Variants in PTPRD observed in about 807,000 individuals in gnomAD.
PTPRD encodes the protein protein tyrosine phosphatase receptor type D.
Under a neutral mutation model 214.5 loss-of-function variants are expected in PTPRD, and 34 were observed. That is an observed-to-expected ratio of 0.16 (90% CI 0.12 to 0.21). The LOEUF is 0.21. Ranked by LOEUF, PTPRD falls within the 10% of genes least tolerant of loss-of-function variation. PTPRD has a pLI of 1.00. For synonymous variants in PTPRD, 1,128 were observed against 845.7 expected (o/e 1.33, Z -5.79); for missense variants, 2,545 against 2,398.7 (o/e 1.06, Z -1.27).
At chr9:9,947,499 ATT>A (rs1463984383) in intron 4 of PTPRD, among the ~76,000 whole-genome samples, 93 of 29,808 alleles carry the variant, frequency 3.1e-3, no homozygotes, top group East Asian at 0.023. Context: ...TATTATATAT[ATT>A]TTATATATAT....
intron 9 of PTPRD, among the ~76,000 whole-genome samples, chr9:9,288,019 T>C (rs575259920): frequency 2.0e-5 from 3 of 151,794 alleles, no homozygotes; most frequent in African/African-American, 4.8e-5. Flanking sequence ...AGACTTATCA[T>C]GGTTAAATGC....
At chr9:8,726,587 AAATATATATATATATATATATAT>A (rs1565592879) in intron 12 of PTPRD, among the ~76,000 whole-genome samples, 6 of 13,214 alleles carry the variant, frequency 4.5e-4, no homozygotes, top group African/African-American at 2.0e-3. Flanking sequence ...AAAAAAAAAA[AAATATATATATATATATATATAT>A]ATATATATAT....
intron 11 of PTPRD, among the ~76,000 whole-genome samples, chr9:8,748,522 C>CACA (rs2093117506): frequency 2.6e-5 from 1 of 37,864 alleles, no homozygotes; most frequent in African/African-American, 7.2e-5. Flanking sequence ...CCTGCAACTG[C>CACA]AAAAAAAAAA....
At chr9:8,936,440 A>AAAAAAAAAAAAAAAAAAC (rs2098998174) in intron 11 of PTPRD, among the ~76,000 whole-genome samples, 1 of 149,960 alleles carries the variant, frequency 6.7e-6, no homozygotes, top group Non-Finnish European at 1.5e-5. Context: ...AAAAAAAAAA[A>AAAAAAAAAAAAAAAAAAC]AAAAAAAAAA....
intron 11 of PTPRD, among the ~76,000 whole-genome samples, chr9:8,999,981 C>T (rs948070258): frequency 6.6e-6 from 1 of 151,934 alleles, no homozygotes; most frequent in Non-Finnish European, 1.5e-5. Context: ...GTTTCATTTC[C>T]TGATCAGACA....
At chr9:8,846,712 C>G (rs1033181043) in intron 11 of PTPRD, among the ~76,000 whole-genome samples, 3 of 151,938 alleles carry the variant, frequency 2.0e-5, no homozygotes, top group African/African-American at 7.3e-5. Flanking sequence ...TAGTATGGCT[C>G]AAGTGTGTGT....
intron 7 of PTPRD, among the ~76,000 whole-genome samples, chr9:9,695,080 C>T (rs541244030): frequency 6.6e-6 from 1 of 152,282 alleles, no homozygotes; most frequent in South Asian, 2.1e-4. Flanking sequence ...GTCTCCTCCA[C>T]ATTCAACACA....
At chr9:9,626,935 A>G (rs2095441130) in intron 7 of PTPRD, among the ~76,000 whole-genome samples, 1 of 152,246 alleles carries the variant, frequency 6.6e-6, no homozygotes, top group Non-Finnish European at 1.5e-5. Context: ...GTCAACATGA[A>G]GTATTAATTT....
At chr9:8,345,150 G>C (rs765522304) in intron 39 of PTPRD, among the ~76,000 whole-genome samples, 2 of 151,826 alleles carry the variant, frequency 1.3e-5, no homozygotes, top group Non-Finnish European at 2.9e-5. Flanking sequence ...AGCTTTCTGC[G>C]TTCACATTTA....
At chr9:8,665,247 C>T (rs953706764) in intron 12 of PTPRD, among the ~76,000 whole-genome samples, 3 of 152,132 alleles carry the variant, frequency 2.0e-5, no homozygotes, top group Non-Finnish European at 4.4e-5. Context: ...GCCATTGTGT[C>T]CCCACGAAAA....
intron 3 of PTPRD, among the ~76,000 whole-genome samples, chr9:10,125,234 C>A (rs1215227861): frequency 1.3e-5 from 2 of 151,810 alleles, no homozygotes; most frequent in Non-Finnish European, 2.9e-5. Context: ...ATTATACTAT[C>A]TTCATAGTCC....
intron 2 of PTPRD, among the ~76,000 whole-genome samples, chr9:10,477,371 C>T (rs766465718): frequency 1.9e-4 from 29 of 151,908 alleles, no homozygotes; most frequent in Non-Finnish European, 3.4e-4. Context: ...CCAACAAACG[C>T]GTGAAAAAAA....
chr9:9,467,446 G>T (rs975729293), intron 8 of PTPRD, among the ~76,000 whole-genome samples: 6 of 150,676 alleles, frequency 4.0e-5, no homozygotes, highest in Non-Finnish European at 7.4e-5. Context: ...AAATAGCAAG[G>T]CGGGGTGGCA....
intron 4 of PTPRD, among the ~76,000 whole-genome samples, chr9:9,968,091 C>A (rs1391696701): frequency 1.3e-5 from 2 of 152,080 alleles, no homozygotes; most frequent in African/African-American, 4.8e-5. Flanking sequence ...AGATTTTGGA[C>A]TAGGTAAAAG....
chr9:9,937,101 G>A (rs2089774293), intron 5 of PTPRD, among the ~76,000 whole-genome samples: 1 of 152,124 alleles, frequency 6.6e-6, no homozygotes, highest in Admixed American at 6.5e-5. Flanking sequence ...GGGAGGGATA[G>A]CACTGGGAGA....
In PTPRD at chr9:8,612,944, G is replaced by C. The variant is rs79942511; in HGVS notation, c.352+20373C>G. The stretch of plus-strand genomic sequence containing the variant: ...TATGGCATTGTTATGAACTACTACC[G>C]TGCCTTCAGACTGATTAGGTATTAA... On this transcript the variant is annotated intron_variant, in intron 14 of 45. Coordinates refer to ENST00000381196, the MANE Select transcript of PTPRD (RefSeq NM_002839.4). 9.3e-3 allele frequency among the ~76,000 whole-genome samples: 1,418 copies of C among 152,150 alleles called. 59 individuals carry two copies. Among genetic ancestry groups the C allele is most frequent in the Admixed American group, 0.072 (1,098 of 15,274 alleles).
rs1377239950 is a variant in PTPRD, at chr9:9,304,645, A to G, written c.-203+92804T>C. ...CAAATATTAGTATCTTATTTTCTCTAGAGGATTCAGTTTCTCTAGATTATA... is the reference window on the plus strand; with the variant it reads ...CAAATATTAGTATCTTATTTTCTCTGGAGGATTCAGTTTCTCTAGATTATA... On this transcript the variant is annotated intron_variant, in intron 9 of 45. Coordinates refer to ENST00000381196, the MANE Select transcript of PTPRD (RefSeq NM_002839.4). Among the ~76,000 whole-genome samples the G allele has an allele frequency of 2.0e-5, 3 of 151,480 alleles. No homozygotes were observed. In the East Asian group the frequency reaches 5.8e-4, roughly 29 times the overall value.
chr9:8,962,079 A>G (rs1427385537), intron 11 of PTPRD: 1 of 152,170 alleles, frequency 6.6e-6, no homozygotes, highest in Non-Finnish European at 1.5e-5. Flanking sequence ...GCATGTAAAA[A>G]GAGCCATTTC....
At chr9:9,711,589 C>G (rs568857904) in intron 7 of PTPRD, among the ~76,000 whole-genome samples, 1 of 152,032 alleles carries the variant, frequency 6.6e-6, no homozygotes, top group Admixed American at 6.5e-5. Context: ...TCTATTGGAG[C>G]TATGTCCACT....
Sources: allele counts gnomAD v4.1 joint callset (sites outside exome capture counted in the v4.1 genomes callset), GRCh38; gene constraint gnomAD v4.1.1; transcripts MANE v1.5; gene names NCBI Gene and HGNC (gene_info 2026-07-23, HGNC 2026-07-21).